The following KALRN variants were observed in gnomAD, a reference collection of about 807,000 sequenced individuals.
KALRN encodes the protein kalirin.
In KALRN, 70 loss-of-function variants were observed where a neutral mutation model predicts 353.7. The ratio of observed to expected loss-of-function variants is 0.20; its 90% CI spans 0.16 to 0.24. The LOEUF is 0.24. KALRN is among the 10% of genes least tolerant of loss of function. The pLI is 1.00. For missense variants in KALRN, 2,791 were observed against 3,756.7 expected, an observed-to-expected ratio of 0.74 and a Z score of 6.72; for synonymous variants, 1,391 against 1,434.8, an observed-to-expected ratio of 0.97 and a Z score of 0.69.
chr3:124,339,596 C>T (rs1280383784), intron 9 of KALRN, among the ~76,000 whole-genome samples: 1 of 152,112 alleles, frequency 6.6e-6, no homozygotes, highest in Non-Finnish European at 1.5e-5. Flanking sequence ...AACTAGTGCT[C>T]AGTGTGCTGT....
intron 34 of KALRN, among the ~76,000 whole-genome samples, chr3:124,626,664 C>T (rs912331693): frequency 5.3e-5 from 8 of 152,166 alleles, no homozygotes; most frequent in African/African-American, 1.9e-4. Context: ...AGCATTGGTT[C>T]AGAGCCCTAG....
chr3:124,596,194 A>G (rs1385087350), intron 34 of KALRN, among the ~76,000 whole-genome samples: 1 of 151,928 alleles, frequency 6.6e-6, no homozygotes, highest in Non-Finnish European at 1.5e-5. Flanking sequence ...AGAAAAAAAA[A>G]AAAAAAGGAC....
chr3:124,719,264 T>C lies in KALRN; in HGVS notation c.8755T>C (p.Leu2919=). The C allele has an allele frequency of 1.2e-6, 2 of 1,614,222 alleles. No homozygotes were observed. Among genetic ancestry groups the C allele is most frequent in the Non-Finnish European group, 1.7e-6 (2 of 1,180,050 alleles). The part of the protein sequence containing the change: ...NAARDFINVI[L]QEDFRRRPTA... ...TGCCAGAGATTTCATCAATGTGATC[T>C]TACAGGAAGATTTTCGGAGGCGGCC... is the stretch of plus-strand genomic sequence containing the variant. Residue 2919 remains leucine (L), a synonymous_variant, in exon 60 of 60, where the codon TTA becomes CTA. Coordinates refer to ENST00000682506, the MANE Select transcript of KALRN (RefSeq NM_001388419.1). This position sits in a 1 kb window ranked among gnomAD's most constrained non-coding sequence, Gnocchi z 5.3.
intron 11 of KALRN, among the ~76,000 whole-genome samples, chr3:124,389,828 A>AT (rs765653278): frequency 2.0e-5 from 3 of 152,212 alleles, no homozygotes; most frequent in South Asian, 2.1e-4. Context: ...GGGAGATTTA[A>AT]TTTTTTGGCT....
chr3:124,678,459 A>C (rs2087447847), intron 50 of KALRN, 146 bp downstream of exon 50: 4 of 775,874 alleles, frequency 5.2e-6, no homozygotes, highest in Admixed American at 5.9e-5. Flanking sequence ...AGGATTTTGC[A>C]TGCAAGATCA....
At chr3:124,370,759 T>C (rs2085727337) in intron 10 of KALRN, among the ~76,000 whole-genome samples, 1 of 152,266 alleles carries the variant, frequency 6.6e-6, no homozygotes, top group Non-Finnish European at 1.5e-5. Flanking sequence ...GCAATCATTT[T>C]GGCACCCATT....
chr3:124,694,731 C>A (rs2061973325), intron 53 of KALRN, among the ~76,000 whole-genome samples: 1 of 152,250 alleles, frequency 6.6e-6, no homozygotes. Flanking sequence ...TGGACACCTG[C>A]AGCAGCACCA....
At chr3:124,538,260 T>TTTGTG (rs1554022852) in intron 33 of KALRN, among the ~76,000 whole-genome samples, 2 of 149,966 alleles carry the variant, frequency 1.3e-5, no homozygotes, top group African/African-American at 2.5e-5. Flanking sequence ...GTGTGTGTGT[T>TTTGTG]TGTGTGTGTG....
At chr3:124,717,880 C>T (rs888680526) in intron 59 of KALRN, among the ~76,000 whole-genome samples, 4 of 151,936 alleles carry the variant, frequency 2.6e-5, no homozygotes, top group East Asian at 1.9e-4. Context: ...GGTGCGATCT[C>T]GGCTCGCTGC....
Position 124,633,881 on chromosome 3 carries a change from G to T in KALRN, c.5496G>T (p.Pro1832=). 2 of 1,613,806 alleles carry T rather than the reference G, an allele frequency of 1.2e-6. No homozygotes were observed. Among genetic ancestry groups the T allele is most frequent in the South Asian group, 1.1e-5 (1 of 91,020 alleles). ...ESKKGWGEDE[P]DEESHTPLPP... Reference sequence around the variant, plus strand: ...AGAAAGGTTGGGGTGAAGATGAGCCGGATGAAGAGTCACACACACCCCTCC... The same window carrying T: ...AGAAAGGTTGGGGTGAAGATGAGCCTGATGAAGAGTCACACACACCCCTCC... Residue 1832 remains proline (P), a synonymous_variant, in exon 36 of 60, where the codon CCG becomes CCT. Transcript: ENST00000682506.
At chr3:124,458,677 T>A (rs2059571056) in intron 23 of KALRN, among the ~76,000 whole-genome samples, 1 of 152,172 alleles carries the variant, frequency 6.6e-6, no homozygotes, top group African/African-American at 2.4e-5. Context: ...GGCTCATGCC[T>A]GTAACTTTGG....
intron 1 of KALRN, among the ~76,000 whole-genome samples, chr3:124,137,383 C>G (rs1463600041): frequency 6.6e-6 from 1 of 151,872 alleles, no homozygotes; most frequent in African/African-American, 2.4e-5. Flanking sequence ...CTGGTCCTGG[C>G]AGGATGAGTG....
intron 25 of KALRN, among the ~76,000 whole-genome samples, chr3:124,474,050 C>T (rs941839000): frequency 1.3e-5 from 2 of 152,106 alleles, no homozygotes; most frequent in Non-Finnish European, 2.9e-5. Flanking sequence ...GGAAAGGAGC[C>T]ATGGCACAGA....
chr3:124,300,891 A>G (rs1260584227), intron 6 of KALRN, among the ~76,000 whole-genome samples: 3 of 152,278 alleles, frequency 2.0e-5, no homozygotes, highest in South Asian at 2.1e-4. Context: ...TCCTGTAGAT[A>G]TTTCTCATTT....
chr3:124,493,169 T>C (rs1180025727), intron 32 of KALRN, among the ~76,000 whole-genome samples: 1 of 152,238 alleles, frequency 6.6e-6, no homozygotes, highest in African/African-American at 2.4e-5. Flanking sequence ...CTAATAGTCA[T>C]GTCTGACACA....
chr3:124,090,338 CA>C (rs1430432399), intron 1 of KALRN, among the ~76,000 whole-genome samples: 1 of 152,196 alleles, frequency 6.6e-6, no homozygotes. Context: ...CGGAGGTGAG[CA>C]AGATGAAAGC....
At chr3:124,531,973 T>C (rs1269787665) in intron 33 of KALRN, among the ~76,000 whole-genome samples, 2 of 152,206 alleles carry the variant, frequency 1.3e-5, no homozygotes, top group Non-Finnish European at 2.9e-5. Context: ...TTGGAACTTT[T>C]TCAAGACTTA....
chr3:124,615,232 C>T (rs954383183), intron 34 of KALRN, among the ~76,000 whole-genome samples: 1 of 152,166 alleles, frequency 6.6e-6, no homozygotes, highest in Non-Finnish European at 1.5e-5. Flanking sequence ...CTACCAAAAA[C>T]ACACACCTTA....
At chr3:124,394,127 G>C (rs905620476) in intron 11 of KALRN, among the ~76,000 whole-genome samples, 202 of 152,286 alleles carry the variant, frequency 1.3e-3, no homozygotes, top group African/African-American at 4.6e-3. Context: ...GAGATGGAAG[G>C]GTATAGTGAT....
Sources: allele counts gnomAD v4.1 joint callset (sites outside exome capture counted in the v4.1 genomes callset), GRCh38; gene constraint gnomAD v4.1.1; non-coding constraint Gnocchi (gnomAD v3.1); transcripts MANE v1.5; gene names NCBI Gene and HGNC (gene_info 2026-07-23, HGNC 2026-07-21).